SPAG16: variants seen among roughly 807,000 people sequenced by gnomAD.
SPAG16 encodes sperm-associated antigen 16 protein.
A neutral mutation model predicts 80.4 loss-of-function variants in SPAG16; 86 were observed. That is an observed-to-expected ratio of 1.07 (90% CI 0.90 to 1.28). The LOEUF is 1.28. Ranked by LOEUF, SPAG16 falls within the 50% of genes most tolerant of loss-of-function variation. SPAG16 has a pLI of 0.00. For missense variants in SPAG16, 870 were observed against 765.3 expected (o/e 1.14, Z -1.61); for synonymous variants, 294 against 265.9 (o/e 1.11, Z -1.03).
intron 9 of SPAG16, among the ~76,000 whole-genome samples, chr2:213,418,346 C>T (rs2069390395): frequency 6.6e-6 from 1 of 152,140 alleles, no homozygotes; most frequent in Admixed American, 6.5e-5. Flanking sequence ...TTCTCTGTTA[C>T]CAGGATCTGG....
At chr2:213,338,056 G>A (rs2124934352) in intron 5 of SPAG16, among the ~76,000 whole-genome samples, 1 of 152,236 alleles carries the variant, frequency 6.6e-6, no homozygotes, top group South Asian at 2.1e-4. Flanking sequence ...AGATAGTGGG[G>A]GCCAATATTC....
chr2:213,406,150 A>G (rs578035359), intron 9 of SPAG16, among the ~76,000 whole-genome samples: 1 of 152,264 alleles, frequency 6.6e-6, no homozygotes, highest in African/African-American at 2.4e-5. Context: ...GTTTTCCAGA[A>G]TTTTGTTTTT....
rs1482716423 is a variant in SPAG16, at chr2:213,736,091, C to T, written c.1071-126394C>T. Among the ~76,000 whole-genome samples the T allele has an allele frequency of 2.6e-5, 4 of 152,140 alleles. No homozygotes were observed. In the East Asian group the frequency reaches 7.7e-4, roughly 29 times the overall value. ...AAAACCCATTTGTTTCCTCTCATTT[C>T]ACTGTGCTTACTCTATTCAATAATT... is the stretch of plus-strand genomic sequence containing the variant. On this transcript the variant is annotated intron_variant, in intron 10 of 15. Transcript: ENST00000331683.
chr2:214,105,175 G>A (rs982903104), intron 13 of SPAG16, among the ~76,000 whole-genome samples: 23 of 152,042 alleles, frequency 1.5e-4, no homozygotes, highest in African/African-American at 5.3e-4. Context: ...AGAGCCATGC[G>A]GAGAATGAAT....
intron 10 of SPAG16, among the ~76,000 whole-genome samples, chr2:213,587,735 C>T (rs1013535813): frequency 6.6e-6 from 1 of 151,404 alleles, no homozygotes; most frequent in Non-Finnish European, 1.5e-5. Flanking sequence ...TAAATTCTCT[C>T]TTTTTACTGT....
chr2:213,481,074 A>G (rs116440624), intron 9 of SPAG16, among the ~76,000 whole-genome samples: 1 of 152,206 alleles, frequency 6.6e-6, no homozygotes, highest in Admixed American at 6.5e-5. Context: ...CAAGCCATTC[A>G]ATTCAGCAAT....
Position 214,228,852 on chromosome 2 carries a change from G to C in SPAG16, c.1720+79586G>C, listed in dbSNP as rs1054044994. On this transcript the variant is annotated intron_variant, in intron 15 of 15. Coordinates refer to ENST00000331683, the MANE Select transcript of SPAG16 (RefSeq NM_024532.5). ...GAAAAATGAAATTCAGGAAGATTAT[G>C]ATTAGCTTCTTCAAAGCTCCTCAGC... is the stretch of plus-strand genomic sequence containing the variant. 2.6e-5 allele frequency among the ~76,000 whole-genome samples: 4 copies of C among 151,842 alleles called. No individual in the cohort carries two copies. The East Asian group carries it at 7.7e-4, about 29-fold the overall frequency.
At chr2:213,701,176 G>C (rs2065398831) in intron 10 of SPAG16, among the ~76,000 whole-genome samples, 1 of 152,112 alleles carries the variant, frequency 6.6e-6, no homozygotes, top group Non-Finnish European at 1.5e-5. Flanking sequence ...AGAGGCAGAG[G>C]CTGCAGTGAG....
intron 3 of SPAG16, among the ~76,000 whole-genome samples, chr2:213,308,611 A>G (rs2063049064): frequency 2.0e-5 from 3 of 152,292 alleles, no homozygotes; most frequent in Admixed American, 2.0e-4. Context: ...AACAGAAGTT[A>G]ACAGGGTTGC....
chr2:213,996,565 C>CTTTTT (rs57100155), intron 12 of SPAG16, among the ~76,000 whole-genome samples: 31 of 116,968 alleles, frequency 2.7e-4, no homozygotes, highest in Non-Finnish European at 4.2e-4. Context: ...TAATGCTATT[C>CTTTTT]TTTTTTTTTT....
At chr2:213,562,353 G>A (rs1286870015) in intron 10 of SPAG16, among the ~76,000 whole-genome samples, 1 of 152,116 alleles carries the variant, frequency 6.6e-6, no homozygotes, top group Non-Finnish European at 1.5e-5. Context: ...ATCTTTAGTA[G>A]CCATAGAACA....
chr2:213,347,124 A>G (rs1189334160), intron 6 of SPAG16, among the ~76,000 whole-genome samples: 1 of 151,926 alleles, frequency 6.6e-6, no homozygotes, highest in African/African-American at 2.4e-5. Flanking sequence ...GAGGGTGTAT[A>G]TGTCGAGGAA....
At chr2:213,997,886 A>G (rs1210238147) in intron 12 of SPAG16, among the ~76,000 whole-genome samples, 3 of 152,224 alleles carry the variant, frequency 2.0e-5, no homozygotes, top group Admixed American at 2.0e-4. Context: ...GGAAAAATGG[A>G]ACCCTTACAT....
chr2:213,824,459 G>A (rs1158309380), intron 10 of SPAG16, among the ~76,000 whole-genome samples: 3 of 152,122 alleles, frequency 2.0e-5, no homozygotes, highest in Non-Finnish European at 2.9e-5. Context: ...TTCTGCATAT[G>A]GATATTCAGT....
intron 12 of SPAG16, among the ~76,000 whole-genome samples, chr2:213,941,815 T>C (rs2079208996): frequency 6.6e-6 from 1 of 152,162 alleles, no homozygotes. Flanking sequence ...CTTGACTTGC[T>C]GTCATCCTTG....
At position 213,592,454 on chromosome 2, in the gene SPAG16, T is replaced by G. The variant is rs144768173; in HGVS notation, c.1070+102364T>G. The stretch of plus-strand genomic sequence containing the variant: ...AAAGAAATACTTTATAAAAGCTTTA[T>G]AGTTAGTAAATCAAACTATTGGTTG... On this transcript the variant is annotated intron_variant, in intron 10 of 15. Transcript: ENST00000331683. Among the ~76,000 whole-genome samples, 240 of 152,364 alleles carry G rather than the reference T, an allele frequency of 1.6e-3. 3 individuals carry two copies. The East Asian group carries it at 0.019, about 12-fold the overall frequency.
intron 15 of SPAG16, among the ~76,000 whole-genome samples, chr2:214,352,565 T>TGTGTGTGTGTGTGTGTGTGTGA (rs375089345): frequency 0.049 from 3,169 of 64,804 alleles, 128 homozygotes; most frequent in African/African-American, 0.085. Flanking sequence ...TCTCTGTGTG[T>TGTGTGTGTGTGTGTGTGTGTGA]GTGTGTGTGT....
chr2:214,137,381 A>C (rs960564472), intron 14 of SPAG16, among the ~76,000 whole-genome samples: 6 of 152,084 alleles, frequency 3.9e-5, no homozygotes, highest in African/African-American at 1.4e-4. Context: ...GGAAATGCCA[A>C]AATATAGTTT....
intron 12 of SPAG16, among the ~76,000 whole-genome samples, chr2:213,991,430 C>G (rs1353040319): frequency 6.6e-6 from 1 of 152,090 alleles, no homozygotes; most frequent in East Asian, 1.9e-4. Context: ...GGTTCTAAGT[C>G]TTTGCTATTG....
Sources: gnomAD v4.1 joint callset for allele counts (sites outside exome capture counted in the v4.1 genomes callset) on GRCh38, gnomAD v4.1.1 for gene constraint, MANE v1.5 for transcripts, NCBI Gene and HGNC (gene_info 2026-07-23, HGNC 2026-07-21) for gene names.